Variants in ILDR1 observed in about 807,000 individuals in gnomAD.
ILDR1 encodes the protein immunoglobulin like domain containing receptor 1.
Under a neutral mutation model 62.4 loss-of-function variants are expected in ILDR1, and 56 were observed. The observed-to-expected ratio is 0.90, with a 90% CI of 0.72 to 1.12. The LOEUF is 1.12. Ranked by LOEUF, ILDR1 falls within the 50% of genes most tolerant of loss-of-function variation. The pLI is 0.00. For synonymous variants in ILDR1, 284 were observed against 277.8 expected (o/e 1.02, Z -0.22); for missense variants, 736 against 710.6 (o/e 1.04, Z -0.41).
intron 1 of ILDR1, among the ~76,000 whole-genome samples, chr3:122,010,727 AT>A (rs2071691253): frequency 6.6e-6 from 1 of 152,218 alleles, no homozygotes; most frequent in African/African-American, 2.4e-5. Flanking sequence ...GATTTTCACA[AT>A]GAATAGGTTG....
the ILDR1 span, among the ~76,000 whole-genome samples, chr3:122,058,851 G>T: frequency 6.6e-6 from 1 of 152,256 alleles, no homozygotes; most frequent in South Asian, 2.1e-4. Context: ...GAGAAATGGC[G>T]AGGGCATGAA....
At chr3:122,039,152 T>C in the ILDR1 span, among the ~76,000 whole-genome samples, 1 of 147,090 alleles carries the variant, frequency 6.8e-6, no homozygotes, top group Non-Finnish European at 1.5e-5. Flanking sequence ...TTTAAGAGGA[T>C]CAGAGAGACA....
chr3:122,025,855 T>G (rs2071917217), upstream of ILDR1, among the ~76,000 whole-genome samples: 1 of 152,202 alleles, frequency 6.6e-6, no homozygotes, highest in South Asian at 2.1e-4. Context: ...TCAGACTATG[T>G]CTTATGCATT....
In ILDR1 at chr3:121,988,371, A is replaced by G. The variant is rs1576709293; in HGVS notation, c.1637T>C (p.Ile546Thr). The part of the protein sequence containing the change: ...DSSHSGRSVV[I>T] Reference sequence around the variant, plus strand: ...AAGTTGTGCTGTGCTTGGTGACTAAATGACCACACTCCTTCCACTATGAGA... The same window carrying G: ...AAGTTGTGCTGTGCTTGGTGACTAAGTGACCACACTCCTTCCACTATGAGA... The change falls in exon 8 of 8, where the codon ATT becomes ACT. Residue 546 changes from isoleucine to threonine, a missense_variant. By Grantham distance (89) the Ile-to-Thr change is moderately conservative. Coordinates refer to ENST00000344209, the MANE Select transcript of ILDR1 (RefSeq NM_001199799.2). 6.2e-7 allele frequency: 1 copy of G among 1,613,676 alleles called. No individual in the cohort carries two copies. The highest frequency in any genetic ancestry group is 8.5e-7 in the Non-Finnish European group (1 of 1,179,590).
chr3:121,995,473 C>T (rs554570359), intron 5 of ILDR1, among the ~76,000 whole-genome samples: 36 of 152,346 alleles, frequency 2.4e-4, no homozygotes, highest in African/African-American at 8.2e-4. Context: ...ATCCAGTGGG[C>T]TGCTCAGTGA....
intron 1 of ILDR1, among the ~76,000 whole-genome samples, chr3:122,007,455 T>C (rs894702969): frequency 4.6e-5 from 7 of 152,164 alleles, no homozygotes; most frequent in Admixed American, 2.0e-4. Context: ...TGTATCAAAA[T>C]AAAGCCACAT....
At chr3:122,022,287 C>G, upstream of ILDR1, 1 of 453,008 alleles carries the variant, frequency 2.2e-6, no homozygotes, top group Non-Finnish European at 3.9e-6. Context: ...GGCTCCGCCT[C>G]CCGCCCCGCG....
intron 7 of ILDR1, 66 bp downstream of exon 7, chr3:121,993,084 G>C (rs181264416): frequency 1.5e-6 from 2 of 1,291,688 alleles, no homozygotes; most frequent in African/African-American, 3.0e-5. Context: ...TGTTGGCTGT[G>C]GTCATGCCTG....
intron 1 of ILDR1, among the ~76,000 whole-genome samples, chr3:122,010,166 A>ACC (rs2071683146): frequency 6.6e-6 from 1 of 152,232 alleles, no homozygotes; most frequent in Non-Finnish European, 1.5e-5. Flanking sequence ...AGGGGCAGTT[A>ACC]CTTGGGTAAC....
chr3:122,021,411 G>A (rs2071852976), intron 1 of ILDR1, among the ~76,000 whole-genome samples: 1 of 152,204 alleles, frequency 6.6e-6, no homozygotes, highest in African/African-American at 2.4e-5. Context: ...GGTGTGGAGG[G>A]TAAGAGAATG....
intron 1 of ILDR1, among the ~76,000 whole-genome samples, chr3:122,012,514 A>C (rs2071719052): frequency 6.6e-6 from 1 of 152,328 alleles, no homozygotes; most frequent in African/African-American, 2.4e-5. Context: ...GCAGTTTATT[A>C]AACACTCTAG....
chr3:122,057,960 C>T, the ILDR1 span, among the ~76,000 whole-genome samples: 1 of 152,214 alleles, frequency 6.6e-6, no homozygotes, highest in African/African-American at 2.4e-5. Context: ...AATACCAGTT[C>T]CCCAACTTCC....
chr3:122,010,161 C>A (rs1306797761), intron 1 of ILDR1, among the ~76,000 whole-genome samples: 1 of 152,128 alleles, frequency 6.6e-6, no homozygotes, highest in Non-Finnish European at 1.5e-5. Flanking sequence ...TAGGAAGGGG[C>A]AGTTACTTGG....
chr3:122,042,094 G>A, the ILDR1 span, among the ~76,000 whole-genome samples: 1 of 101,972 alleles, frequency 9.8e-6, no homozygotes, highest in Non-Finnish European at 1.9e-5. Flanking sequence ...AGTCCCCAGA[G>A]TGTGATATTC....
chr3:121,994,631 G>C (rs542428596), intron 5 of ILDR1, among the ~76,000 whole-genome samples: 42 of 152,292 alleles, frequency 2.8e-4, no homozygotes, highest in Non-Finnish European at 3.4e-4. Flanking sequence ...TAGATTCATG[G>C]ATACTAGCAT....
chr3:121,999,102 T>C (rs1400584246), intron 5 of ILDR1, among the ~76,000 whole-genome samples: 1 of 152,186 alleles, frequency 6.6e-6, no homozygotes, highest in Admixed American at 6.5e-5. Flanking sequence ...GACAGCAACC[T>C]CAGAGCACAG....
chr3:122,055,276 G>T, the ILDR1 span: 1 of 548,054 alleles, frequency 1.8e-6, no homozygotes, highest in Non-Finnish European at 3.3e-6. Flanking sequence ...CAAGGAAAGG[G>T]TTAAATTTCT....
chr3:122,002,832 G>A (rs941917831), intron 3 of ILDR1, among the ~76,000 whole-genome samples: 6 of 152,010 alleles, frequency 3.9e-5, no homozygotes, highest in East Asian at 1.9e-4. Context: ...ATGCATTCTC[G>A]TCATCCAGCT....
At chr3:122,008,778 A>T (rs1016500211) in intron 1 of ILDR1, among the ~76,000 whole-genome samples, 3 of 151,256 alleles carry the variant, frequency 2.0e-5, no homozygotes, top group African/African-American at 7.3e-5. Flanking sequence ...ATTTTAGTAG[A>T]TGCAGGGTTT....
Sources: gnomAD v4.1 joint callset for allele counts (sites outside exome capture counted in the v4.1 genomes callset) on GRCh38, gnomAD v4.1.1 for gene constraint, MANE v1.5 for transcripts, NCBI Gene and HGNC (gene_info 2026-07-23, HGNC 2026-07-21) for gene names.